Variants in AMOT observed in about 807,000 individuals in gnomAD.
AMOT encodes the protein angiomotin.
Under a neutral mutation model 67.0 loss-of-function variants are expected in AMOT, and 11 were observed. The observed-to-expected ratio is 0.16, with a 90% CI of 0.10 to 0.27. The LOEUF (loss-of-function observed/expected upper bound fraction) is 0.27, where lower values mean the gene tolerates loss of function less well. AMOT is among the 10% of genes least tolerant of loss of function. The pLI, the probability that AMOT is intolerant of heterozygous loss-of-function variation, is 1.00. For synonymous variants in AMOT, 326 were observed against 321.4 expected, an observed-to-expected ratio of 1.01 and a Z score of -0.15; for missense variants, 753 against 852.0, an observed-to-expected ratio of 0.88 and a Z score of 1.45.
At chrX:112,806,643 G>C (rs1360521700) in intron 7 of AMOT, among the ~76,000 whole-genome samples, 1 of 111,062 alleles carries the variant, frequency 9.0e-6, no homozygotes, top group Non-Finnish European at 1.9e-5. Flanking sequence ...ATTTTTAGGA[G>C]AATGAAGGAA....
At position 112,782,523 on chromosome X, in the gene AMOT, C is replaced by T. The variant is rs750760561; in HGVS notation, c.2240+17G>A. 1.7e-6 allele frequency: 2 copies of T among 1,210,979 alleles called. No homozygotes were observed. The highest frequency in any genetic ancestry group is 2.2e-6 in the Non-Finnish European group (2 of 895,142). On this transcript the variant is annotated intron_variant, in intron 11 of 13. Transcript: ENST00000371959. ...ATCAATGTCTCAGATTCCTCAGGGT[C>T]CAGAACAACATTTTACCTGCCCTCC... is the stretch of plus-strand genomic sequence containing the variant.
At chrX:112,810,640 G>A (rs779636875) in intron 6 of AMOT, among the ~76,000 whole-genome samples, 23 of 109,995 alleles carry the variant, frequency 2.1e-4, no homozygotes, top group Middle Eastern at 4.6e-3. Context: ...AACCTGGGAG[G>A]TGGAGGTTGC....
At chrX:112,820,794 G>A (rs1372768474) in intron 4 of AMOT, among the ~76,000 whole-genome samples, 2 of 111,359 alleles carry the variant, frequency 1.8e-5, no homozygotes, top group African/African-American at 6.5e-5. Flanking sequence ...TGTTTCATTG[G>A]TCAGATGGGA....
At chrX:112,800,185 C>T (rs1000485035) in intron 8 of AMOT, among the ~76,000 whole-genome samples, 1 of 110,571 alleles carries the variant, frequency 9.0e-6, no homozygotes, top group Non-Finnish European at 1.9e-5. Flanking sequence ...GAGCCAAGAT[C>T]AGGCCACTGC....
chrX:112,810,482 G>A (rs896181015), intron 6 of AMOT, among the ~76,000 whole-genome samples: 3 of 111,564 alleles, frequency 2.7e-5, no homozygotes, highest in African/African-American at 9.8e-5. Context: ...GCCACGGTGG[G>A]TGGATCACCT....
At chrX:112,835,358 C>G (rs1040715962) in intron 1 of AMOT, among the ~76,000 whole-genome samples, 1 of 110,644 alleles carries the variant, frequency 9.0e-6, no homozygotes, top group Non-Finnish European at 1.9e-5. Flanking sequence ...TCAAGGCAAG[C>G]CCACAGACTT....
chrX:112,826,995 T>C (rs1934859143), intron 2 of AMOT, among the ~76,000 whole-genome samples: 1 of 112,001 alleles, frequency 8.9e-6, no homozygotes, highest in African/African-American at 3.3e-5. Context: ...GTAGCCAGGA[T>C]TACAGGCACG....
At chrX:112,793,734 G>T (rs1933696882) in intron 8 of AMOT, among the ~76,000 whole-genome samples, 1 of 111,895 alleles carries the variant, frequency 8.9e-6, no homozygotes, top group Non-Finnish European at 1.9e-5. Context: ...CAGTTGAGGT[G>T]AGTTCGAAGC....
chrX:112,792,763 C>T (rs1264407219), intron 8 of AMOT, among the ~76,000 whole-genome samples: 1 of 111,270 alleles, frequency 9.0e-6, no homozygotes, highest in Non-Finnish European at 1.9e-5. Flanking sequence ...TAAAAGATCC[C>T]GAAAGCCTCA....
rs867731108 is a variant in AMOT, at chrX:112,822,385, G to A, written c.742C>T (p.Pro248Ser). ...PPPEYPFKGM[P>S]PQSVVCKPQE... ...GGCTTGCACACTACAGATTGGGGTG[G>A]CATGCCCTTGAAGGGATATTCTGGT... is the stretch of plus-strand genomic sequence containing the variant. Residue 248 changes from proline to serine, a missense_variant, in exon 4 of 14, where the codon CCA becomes TCA. By Grantham distance (74) the Pro-to-Ser change is moderately conservative. This residue lies in a region of AMOT where 297 missense variants were observed against 284.3 expected (regional missense o/e 1.04). Coordinates refer to ENST00000371959, the MANE Select transcript of AMOT (RefSeq NM_001113490.2). 8.6e-7 allele frequency: 1 copy of A among 1,166,983 alleles called. No individual in the cohort carries two copies. Among genetic ancestry groups the A allele is most frequent in the Non-Finnish European group, 1.1e-6 (1 of 872,592 alleles).
At chrX:112,819,530 G>T in intron 4 of AMOT, 1 of 319,678 alleles carries the variant, frequency 3.1e-6, no homozygotes, top group Non-Finnish European at 4.1e-6. Flanking sequence ...GGAGGTGGCT[G>T]CTTTATAAAC....
chrX:112,823,369 G>T (rs1934763397), intron 3 of AMOT, among the ~76,000 whole-genome samples, 181 bp from the exon 4 acceptor site: 1 of 111,811 alleles, frequency 8.9e-6, no homozygotes, highest in African/African-American at 3.3e-5. Flanking sequence ...GAAGAACATG[G>T]AGGCATAAGA....
At chrX:112,804,842 T>C (rs1433644556) in intron 8 of AMOT, 105 bp downstream of exon 8, 13 of 1,088,478 alleles carry the variant, frequency 1.2e-5, no homozygotes, top group Non-Finnish European at 1.5e-5. Flanking sequence ...GCACCTCCCT[T>C]CTGGGGATTA....
rs1037482238 is a variant in AMOT at position 112,777,105 on chromosome X, A to C, written c.*1462T>G. 9.0e-6 allele frequency: 1 copy of C among 110,951 alleles called. No homozygotes were observed. The highest frequency in any genetic ancestry group is 3.3e-5 in the African/African-American group (1 of 30,496). 9.1% of individuals were successfully genotyped at this position (110,951 alleles called of 1,213,427 possible). On this transcript the variant is annotated 3_prime_UTR_variant, in exon 14 of 14. Coordinates refer to ENST00000371959, the MANE Select transcript of AMOT (RefSeq NM_001113490.2). ...CTTCTATTAATCTGGTTTCTAACTA[A>C]GACATCCCAAAACCTCTACCCCCAA...
At chrX:112,792,084 T>G in intron 8 of AMOT, 103 bp from the exon 9 acceptor site, 1 of 1,001,523 alleles carries the variant, frequency 1.0e-6, no homozygotes, top group Non-Finnish European at 1.4e-6. Context: ...AGATCTCTTC[T>G]TGTTTTAGAG....
rs530017352 is a variant in AMOT, at chrX:112,797,541, G to A, written c.1777-5560C>T. ...CACACCTGTAATCCCAGCACTTTGG[G>A]AGGCTGAGGCGGGTGGATTACTTGA... On this transcript the variant is annotated intron_variant, in intron 8 of 13. Coordinates refer to ENST00000371959, the MANE Select transcript of AMOT (RefSeq NM_001113490.2). Among the ~76,000 whole-genome samples the A allele has an allele frequency of 5.1e-3, 574 of 111,832 alleles. 1 individual carries two copies. Among genetic ancestry groups the A allele is most frequent in the Non-Finnish European group, 7.8e-3 (416 of 53,148 alleles).
At chrX:112,821,645 C>CA (rs111969107) in intron 4 of AMOT, among the ~76,000 whole-genome samples, 3 of 110,730 alleles carry the variant, frequency 2.7e-5, no homozygotes, top group East Asian at 5.7e-4. Flanking sequence ...AAATTCTCTA[C>CA]AAAAAAAAGA....
At chrX:112,830,214 G>A (rs370338765) in intron 2 of AMOT, among the ~76,000 whole-genome samples, 2 of 111,624 alleles carry the variant, frequency 1.8e-5, no homozygotes, top group African/African-American at 3.3e-5. Context: ...GTTTTTACAA[G>A]CAATGAATTA....
rs774428661 is a variant in AMOT at position 112,791,814 on chromosome X, CCTTT to C, written c.1926+14_1926+17del. On this transcript the variant is annotated intron_variant, in intron 9 of 13. Transcript: ENST00000371959. ...TTTCTTACTTTTTTTTCCCTTTCTT[CCTTT>C]AAGTTCTCCATACCTGCTGGATTCT... is the stretch of plus-strand genomic sequence containing the variant. 62 of 1,200,578 alleles carry C rather than the reference CCTTT, an allele frequency of 5.2e-5. No individual in the cohort carries two copies. In the African/African-American group the frequency reaches 8.4e-4, roughly 16 times the overall value.
Sources: gnomAD v4.1 joint callset for allele counts (sites outside exome capture counted in the v4.1 genomes callset) on GRCh38, gnomAD v4.1.1 for gene constraint, gnomAD v4.1.1 regional missense constraint, MANE v1.5 for transcripts, NCBI Gene and HGNC (gene_info 2026-07-23, HGNC 2026-07-21) for gene names.